Variants in HOXC4 observed in about 807,000 individuals in gnomAD.
HOXC4 encodes homeobox protein Hox-C4.
HOXC4 carries 15 observed loss-of-function variants against 25.5 expected under a neutral mutation model. The ratio of observed to expected loss-of-function variants is 0.59; its 90% confidence interval spans 0.39 to 0.91. The LOEUF (loss-of-function observed/expected upper bound fraction) is 0.91. HOXC4 is among the 40% of genes least tolerant of loss of function. HOXC4 has a pLI of 0.00. For missense variants in HOXC4, 342 were observed against 352.4 expected (o/e 0.97, Z 0.24); for synonymous variants, 165 against 148.0 (o/e 1.11, Z -0.83).
At chr12:54,053,730 A>C, upstream of HOXC4, 50 of 221,966 alleles carry the variant, frequency 2.3e-4, no homozygotes, top group South Asian at 6.1e-4. Context: ...CACCACCACC[A>C]CACACACAAA....
chr12:54,054,175 C>G lies in HOXC4; in HGVS notation c.253C>G (p.Gln85Glu), dbSNP rs758773743. 7.4e-6 allele frequency: 12 copies of G among 1,613,680 alleles called. No individual in the cohort carries two copies. Among genetic ancestry groups the G allele is most frequent in the Non-Finnish European group, 1.0e-5 (12 of 1,179,812 alleles). Residue 85 changes from glutamine (Q) to glutamate (E), a missense_variant, in exon 1 of 2, where the codon CAG (glutamine) becomes GAG (glutamate). Transcript: ENST00000430889. ...PGNSRGHGPAQAGHHHPEKSQ... is the reference protein window; with the variant it reads ...PGNSRGHGPAEAGHHHPEKSQ... ...CAATTCGCGAGGCCACGGGCCGGCC[C>G]AGGCGGGCCACCACCACCCCGAGAA...
At chr12:54,037,719 T>C (rs541924752) in intron 1 of HOXC4, 1 of 152,384 alleles carries the variant, frequency 6.6e-6, no homozygotes, top group African/African-American at 2.4e-5. Flanking sequence ...GGCATGCTTC[T>C]ATGTGAATTT....
At chr12:54,035,444 A>G (rs1220362901) in intron 1 of HOXC4, 1 of 152,522 alleles carries the variant, frequency 6.6e-6, no homozygotes, top group Non-Finnish European at 1.5e-5. Context: ...GAGACCCACA[A>G]ACTTTAAGCC....
chr12:54,025,551 T>G (rs1489899525), intron 1 of HOXC4, among the ~76,000 whole-genome samples: 1 of 148,710 alleles, frequency 6.7e-6, no homozygotes. Context: ...GTGTTGAAAA[T>G]TAATTTTGCC....
At chr12:54,043,950 G>GTC (rs1941316555) in intron 1 of HOXC4, among the ~76,000 whole-genome samples, 1 of 141,962 alleles carries the variant, frequency 7.0e-6, no homozygotes, top group African/African-American at 2.7e-5. Context: ...GTGTGTGTGT[G>GTC]TGTGTGTGTG....
chr12:54,022,079 C>T (rs1940473163), intron 1 of HOXC4: 1 of 152,290 alleles, frequency 6.6e-6, no homozygotes, highest in African/African-American at 2.4e-5. Flanking sequence ...AGCAGCCCTT[C>T]CCTTGCCTAG....
chr12:54,042,471 A>AT lies in HOXC4; in HGVS notation c.-123-10685dup, dbSNP rs144852558. On this transcript the variant is annotated intron_variant, in intron 1 of 3. Coordinates refer to the HOXC4 transcript ENST00000303406. ...ATCCACACAGGCACTGGGAAAAGAG[A>AT]TTTTGTGAGTGCCTCGACCCCTCCT... Among the ~76,000 whole-genome samples, 508 of 152,260 alleles carry AT rather than the reference A, an allele frequency of 3.3e-3. 2 individuals are homozygous for AT. The highest frequency in any genetic ancestry group is 0.011 in the African/African-American group (444 of 41,550).
At chr12:54,022,063 C>T (rs1252916103) in intron 1 of HOXC4, 1 of 152,280 alleles carries the variant, frequency 6.6e-6, no homozygotes. Flanking sequence ...GGTGGACAGA[C>T]TTCTGAGCAG....
At chr12:54,035,456 C>A (rs1941164974) in intron 1 of HOXC4, 2 of 152,332 alleles carry the variant, frequency 1.3e-5, no homozygotes. Flanking sequence ...CTTTAAGCCA[C>A]CCCTTTAAAA....
intron 1 of HOXC4, chr12:54,029,675 C>G: frequency 6.2e-7 from 1 of 1,613,522 alleles, no homozygotes; most frequent in Non-Finnish European, 8.5e-7. Flanking sequence ...CGGAGCGGAC[C>G]GGAGGCGCGG....
intron 1 of HOXC4, among the ~76,000 whole-genome samples, chr12:54,036,305 G>C (rs1295445769): frequency 6.6e-6 from 1 of 152,152 alleles, no homozygotes; most frequent in Non-Finnish European, 1.5e-5. Flanking sequence ...GCCAAGCCTA[G>C]GCCCCCCACA....
chr12:54,030,223 C>G, intron 1 of HOXC4: 1 of 363,652 alleles, frequency 2.7e-6, no homozygotes, highest in Non-Finnish European at 5.0e-6. Context: ...TTTCCCCGTC[C>G]AGGCCTTGGG....
intron 1 of HOXC4, chr12:54,029,669 G>A (rs1592233434): frequency 6.2e-7 from 1 of 1,613,304 alleles, no homozygotes; most frequent in South Asian, 1.1e-5. Context: ...CGGCTACGGA[G>A]CGGACCGGAG....
At chr12:54,036,391 T>G (rs1167592536) in intron 1 of HOXC4, among the ~76,000 whole-genome samples, 1 of 152,054 alleles carries the variant, frequency 6.6e-6, no homozygotes, top group Non-Finnish European at 1.5e-5. Context: ...AGAGGGGCTC[T>G]GGGGAGGGGC....
intron 1 of HOXC4, chr12:54,029,033 C>A: frequency 2.9e-6 from 3 of 1,029,290 alleles, no homozygotes; most frequent in Non-Finnish European, 4.2e-6. Flanking sequence ...AAAACAATCA[C>A]GCTCGTCTCC....
intron 1 of HOXC4, chr12:54,033,169 T>A: frequency 6.2e-7 from 1 of 1,614,116 alleles, no homozygotes; most frequent in African/African-American, 1.3e-5. Context: ...AGCCCCAATA[T>A]CCCTGCCTAT....
At chr12:54,037,553 C>T (rs900005188) in intron 1 of HOXC4, among the ~76,000 whole-genome samples, 1 of 152,166 alleles carries the variant, frequency 6.6e-6, no homozygotes, top group Admixed American at 6.5e-5. Context: ...AAGATCAACA[C>T]GACCTCGAAG....
chr12:54,040,004 C>T (rs1026111172), intron 1 of HOXC4, among the ~76,000 whole-genome samples: 3 of 152,266 alleles, frequency 2.0e-5, no homozygotes, highest in African/African-American at 4.8e-5. Context: ...TAAATACCAC[C>T]CCTCTTCCTG....
At position 54,055,074 on chromosome 12, in the gene HOXC4, G is replaced by A; in HGVS notation, c.664G>A (p.Val222Ile). Residue 222 changes from valine to isoleucine, a missense_variant, in exon 2 of 2, where the codon GTC (valine) becomes ATC (isoleucine). Val to Ile is a conservative substitution (Grantham distance 29). Coordinates refer to ENST00000430889, the MANE Select transcript of HOXC4 (RefSeq NM_153633.3). The stretch of plus-strand genomic sequence containing the variant: ...GGACCACCGACTCCCCAACACCAAA[G>A]TCAGGTCAGCACCCCCGGCCGGCGC... ...KKDHRLPNTK[V>I]RSAPPAGAAP... 1 of 1,613,576 alleles carries A rather than the reference G, an allele frequency of 6.2e-7. No individual in the cohort carries two copies. The highest frequency in any genetic ancestry group is 1.1e-5 in the South Asian group (1 of 91,018).
Sources: allele counts gnomAD v4.1 joint callset (sites outside exome capture counted in the v4.1 genomes callset), GRCh38; gene constraint gnomAD v4.1.1; transcripts MANE v1.5; gene names NCBI Gene and HGNC (gene_info 2026-07-23, HGNC 2026-07-21).